XKR4: variants seen among roughly 807,000 people sequenced by gnomAD.
XKR4 encodes XK related 4.
A neutral mutation model predicts 53.9 loss-of-function variants in XKR4; 12 were observed. The observed-to-expected ratio is 0.22, with a 90% CI of 0.14 to 0.36. The LOEUF (loss-of-function observed/expected upper bound fraction) is 0.36, where lower values mean the gene tolerates loss of function less well. Among genes scored for constraint, XKR4 ranks in the 10% least tolerant of loss-of-function variants. XKR4 has a pLI of 1.00. For missense variants in XKR4, 799 were observed against 859.5 expected, an observed-to-expected ratio of 0.93 and a Z score of 0.88; for synonymous variants, 354 against 362.4, an observed-to-expected ratio of 0.98 and a Z score of 0.26.
chr8:55,411,621 C>T (rs530766365), intron 2 of XKR4, among the ~76,000 whole-genome samples: 1 of 152,288 alleles, frequency 6.6e-6, no homozygotes, highest in Admixed American at 6.5e-5. Context: ...GATGAGTGAC[C>T]CAAGCCCATT....
At chr8:55,501,336 T>G (rs1240053006) in intron 2 of XKR4, among the ~76,000 whole-genome samples, 2 of 152,242 alleles carry the variant, frequency 1.3e-5, no homozygotes, top group South Asian at 4.1e-4. Flanking sequence ...CATTTTTAAG[T>G]GTACGGTTCA....
intron 1 of XKR4, among the ~76,000 whole-genome samples, chr8:55,202,471 C>A (rs1232567327): frequency 6.6e-6 from 1 of 152,184 alleles, no homozygotes; most frequent in African/African-American, 2.4e-5. Context: ...CAATTCCAGG[C>A]CAACAATTAA....
Position 55,376,975 on chromosome 8 carries a change from C to CACACACACACAG in XKR4, c.1006+19099_1006+19100insCACACACACAGA, listed in dbSNP as rs1554521135. On this transcript the variant is annotated intron_variant, in intron 2 of 2. Transcript: ENST00000327381. ...ACACTCACACACACACACACACACACAGAGAGAGAGAGAGAGACGGACCCA... is the reference window on the plus strand; with the variant it reads ...ACACTCACACACACACACACACACACACACACACACAGAGAGAGAGAGAGAGAGACGGACCCA... 3.3e-5 allele frequency among the ~76,000 whole-genome samples: 5 copies of CACACACACACAG among 151,406 alleles called. 1 individual carries two copies. Among genetic ancestry groups the CACACACACACAG allele is most frequent in the African/African-American group, 9.7e-5 (4 of 41,222 alleles).
chr8:55,233,526 T>C (rs1563489247), intron 1 of XKR4, among the ~76,000 whole-genome samples: 1 of 152,216 alleles, frequency 6.6e-6, no homozygotes. Flanking sequence ...AGTGGGTTCA[T>C]TGCAAAGGTG....
intron 2 of XKR4, among the ~76,000 whole-genome samples, chr8:55,473,062 C>T (rs1451446687): frequency 6.6e-6 from 1 of 152,122 alleles, no homozygotes; most frequent in Admixed American, 6.5e-5. Context: ...CCTCCATTCA[C>T]CCAATTGGAT....
chr8:55,309,696 A>G (rs932420681), intron 1 of XKR4, among the ~76,000 whole-genome samples: 18 of 152,244 alleles, frequency 1.2e-4, no homozygotes, highest in Non-Finnish European at 2.4e-4. Flanking sequence ...GGCAAAGTGT[A>G]CAAGAGATCT....
chr8:55,225,125 C>A, intron 1 of XKR4, among the ~76,000 whole-genome samples: 1 of 152,138 alleles, frequency 6.6e-6, no homozygotes, highest in East Asian at 1.9e-4. Context: ...TGTCTCACTT[C>A]GTATTTATGC....
chr8:55,507,922 A>G (rs1806568724), intron 2 of XKR4, among the ~76,000 whole-genome samples: 1 of 152,220 alleles, frequency 6.6e-6, no homozygotes, highest in African/African-American at 2.4e-5. Flanking sequence ...AGGAATTGCC[A>G]TACTGACTTC....
intron 1 of XKR4, among the ~76,000 whole-genome samples, chr8:55,284,004 A>G (rs989893653): frequency 1.3e-5 from 2 of 152,238 alleles, no homozygotes; most frequent in African/African-American, 4.8e-5. Flanking sequence ...AGGATGGATC[A>G]CAGAAGTCTA....
intron 1 of XKR4, among the ~76,000 whole-genome samples, chr8:55,337,151 G>T (rs896819889): frequency 4.6e-5 from 7 of 152,168 alleles, no homozygotes; most frequent in Admixed American, 6.5e-5. Flanking sequence ...GGAAACAGCA[G>T]ATGGGGAGCC....
intron 1 of XKR4, among the ~76,000 whole-genome samples, chr8:55,245,991 A>G (rs1466220126): frequency 6.6e-6 from 1 of 152,196 alleles, no homozygotes; most frequent in African/African-American, 2.4e-5. Flanking sequence ...AATCCCAGCT[A>G]TTCAGGAGGC....
chr8:55,209,201 TTA>T (rs1470658942), intron 1 of XKR4, among the ~76,000 whole-genome samples: 1 of 38,514 alleles, frequency 2.6e-5, no homozygotes, highest in Non-Finnish European at 5.7e-5. Flanking sequence ...AGCAGTGTGT[TTA>T]TGTGTGTGTG....
chr8:55,243,941 AC>A (rs1215624499), intron 1 of XKR4, among the ~76,000 whole-genome samples: 1 of 152,172 alleles, frequency 6.6e-6, no homozygotes, highest in African/African-American at 2.4e-5. Flanking sequence ...AATAAACACA[AC>A]AGTAATTATT....
Position 55,102,384 on chromosome 8 carries a change from ACC to A in XKR4, c.-104_-103del. ...CAGGAGCAGGAGGAGGGGGAGCCGC[ACC>A]GCCTGGGAGGGAAGCCGGGGCGAGG... On this transcript the variant is annotated 5_prime_UTR_variant, in exon 1 of 3. Transcript: ENST00000327381. The surrounding 1 kb of genome is among the most constrained non-coding windows in gnomAD (Gnocchi z 5.1). 1 of 1,327,064 alleles carries A rather than the reference ACC, an allele frequency of 7.5e-7. No individual in the cohort carries two copies. The highest frequency in any genetic ancestry group is 9.8e-7 in the Non-Finnish European group (1 of 1,022,530). 82.2% of individuals were successfully genotyped at this position (1,327,064 alleles called of 1,614,324 possible).
chr8:55,429,288 CA>C (rs1805063554), intron 2 of XKR4, among the ~76,000 whole-genome samples: 1 of 152,102 alleles, frequency 6.6e-6, no homozygotes, highest in Non-Finnish European at 1.5e-5. Context: ...AAATGGATAA[CA>C]GACTTCAGTG....
intron 1 of XKR4, among the ~76,000 whole-genome samples, chr8:55,341,318 G>A (rs563635124): frequency 3.9e-5 from 6 of 152,230 alleles, no homozygotes; most frequent in African/African-American, 1.2e-4. Context: ...GGGCAGCAGG[G>A]GTATTGATGC....
At chr8:55,460,598 G>A (rs1043810534) in intron 2 of XKR4, among the ~76,000 whole-genome samples, 8 of 152,164 alleles carry the variant, frequency 5.3e-5, no homozygotes, top group South Asian at 2.1e-4. Flanking sequence ...CTGAGGTATC[G>A]GGTTCATCTC....
intron 2 of XKR4, among the ~76,000 whole-genome samples, chr8:55,465,025 T>C (rs1047399487): frequency 2.6e-5 from 4 of 152,004 alleles, no homozygotes; most frequent in African/African-American, 7.3e-5. Context: ...TGCTCATGGG[T>C]AGGAAGAATC....
At chr8:55,243,322 C>T (rs4398891) in intron 1 of XKR4, among the ~76,000 whole-genome samples, 37,403 of 152,114 alleles carry the variant, frequency 0.25, 5,062 homozygotes, top group East Asian at 0.49. Flanking sequence ...CCTAAAAATC[C>T]TCTGTGCTCT....
Sources: allele counts gnomAD v4.1 joint callset (sites outside exome capture counted in the v4.1 genomes callset), GRCh38; gene constraint gnomAD v4.1.1; non-coding constraint Gnocchi (gnomAD v3.1); transcripts MANE v1.5; gene names NCBI Gene and HGNC (gene_info 2026-07-23, HGNC 2026-07-21).